CADPS: variants seen among roughly 807,000 people sequenced by gnomAD.
CADPS encodes calcium-dependent secretion activator 1.
Under a neutral mutation model 167.3 loss-of-function variants are expected in CADPS, and 57 were observed. That is an observed-to-expected ratio of 0.34 (90% CI 0.28 to 0.42). The LOEUF is 0.42. CADPS is among the 20% of genes least tolerant of loss of function. The pLI, the probability that CADPS is intolerant of heterozygous loss-of-function variation, is 1.00. For missense variants in CADPS, 1,414 were observed against 1,738.1 expected (o/e 0.81, Z 3.32); for synonymous variants, 676 against 635.3 (o/e 1.06, Z -0.96).
chr3:62,695,847 C>T (rs1378204037), intron 3 of CADPS, among the ~76,000 whole-genome samples: 1 of 152,010 alleles, frequency 6.6e-6, no homozygotes, highest in East Asian at 1.9e-4. Context: ...GAGCCACCAG[C>T]CTGGCCCCCA....
At chr3:62,515,761 G>A (rs899062335) in intron 16 of CADPS, among the ~76,000 whole-genome samples, 1 of 152,128 alleles carries the variant, frequency 6.6e-6, no homozygotes, top group African/African-American at 2.4e-5. Context: ...ATCAGCCACA[G>A]AGCCGATACT....
intron 24 of CADPS, chr3:62,466,698 C>A: frequency 2.4e-6 from 1 of 419,074 alleles, no homozygotes; most frequent in Non-Finnish European, 4.4e-6. Flanking sequence ...ACATGAATGA[C>A]TTAATGACCC....
At chr3:62,569,591 T>C (rs1308870436) in intron 9 of CADPS, among the ~76,000 whole-genome samples, 2 of 152,200 alleles carry the variant, frequency 1.3e-5, no homozygotes, top group Non-Finnish European at 2.9e-5. Context: ...AGTCTAGTCT[T>C]AGAAGTTCAG....
intron 28 of CADPS, among the ~76,000 whole-genome samples, chr3:62,410,132 A>T (rs1459828921): frequency 6.6e-6 from 1 of 152,222 alleles, no homozygotes; most frequent in Non-Finnish European, 1.5e-5. Context: ...TATCATAAAA[A>T]TGAGCTCTTT....
chr3:62,516,031 C>T (rs2068894663), intron 16 of CADPS, 28 bp downstream of exon 16: 2 of 1,611,264 alleles, frequency 1.2e-6, no homozygotes, highest in Admixed American at 3.4e-5. Flanking sequence ...AATTTAAATT[C>T]AAAACTGGGG....
In CADPS at chr3:62,557,558, C is replaced by A. The variant is rs376958788; in HGVS notation, c.1645-45G>T. 3.4e-6 allele frequency: 5 copies of A among 1,479,456 alleles called. No homozygotes were observed. In the African/African-American group the frequency reaches 5.5e-5, roughly 16 times the overall value. 91.6% of individuals were successfully genotyped at this position (1,479,456 alleles called of 1,614,324 possible). ...TGTGAGGTTGACCCCTGGAGCCTGT[C>A]TTCTCCAAAAAACCCTCCCCCATGT... On this transcript the variant is annotated intron_variant, in intron 9 of 29. Transcript: ENST00000383710.
chr3:62,721,111 C>A (rs923741207), intron 3 of CADPS, among the ~76,000 whole-genome samples: 1 of 108,840 alleles, frequency 9.2e-6, no homozygotes, highest in African/African-American at 3.6e-5. Flanking sequence ...GCCACCGTGC[C>A]CGGCAGGTTT....
chr3:62,491,838 T>C (rs2063794367), intron 20 of CADPS, among the ~76,000 whole-genome samples: 1 of 152,154 alleles, frequency 6.6e-6, no homozygotes, highest in African/African-American at 2.4e-5. Context: ...AGAAAGAACA[T>C]TCTTCATACT....
Position 62,792,800 on chromosome 3 carries a change from G to A in CADPS, c.442-26816C>T, listed in dbSNP as rs539395944. 7.2e-4 allele frequency among the ~76,000 whole-genome samples: 109 copies of A among 151,422 alleles called. 1 individual carries two copies. Among genetic ancestry groups the A allele is most frequent in the African/African-American group, 2.3e-3 (93 of 41,310 alleles). ...TTTTGTAGGGACAGGGTCTCACTAT[G>A]TTTCTCAGGCTGGCCTCAAACTCCT... On this transcript the variant is annotated intron_variant, in intron 1 of 29. Transcript: ENST00000383710.
chr3:62,568,255 G>A (rs2080651872), intron 9 of CADPS, among the ~76,000 whole-genome samples: 1 of 152,226 alleles, frequency 6.6e-6, no homozygotes, highest in Admixed American at 6.5e-5. Flanking sequence ...ATGGCTGGTG[G>A]AGTACTGTTT....
intron 28 of CADPS, among the ~76,000 whole-genome samples, chr3:62,434,301 G>A (rs1231906205): frequency 3.9e-5 from 6 of 152,114 alleles, no homozygotes; most frequent in African/African-American, 1.4e-4. Context: ...ATGTCCAGCT[G>A]CACATCTGAA....
chr3:62,608,303 G>A (rs2060982841), intron 6 of CADPS, among the ~76,000 whole-genome samples: 1 of 148,170 alleles, frequency 6.7e-6, no homozygotes. Context: ...TTTTTTTTGA[G>A]ACAGGATCTT....
chr3:62,703,797 G>T (rs1208586019), intron 3 of CADPS, among the ~76,000 whole-genome samples: 1 of 152,094 alleles, frequency 6.6e-6, no homozygotes, highest in Non-Finnish European at 1.5e-5. Flanking sequence ...AGTTGAAAAA[G>T]GTGTAATTTT....
At chr3:62,647,617 G>A (rs549147581) in intron 5 of CADPS, among the ~76,000 whole-genome samples, 4 of 152,290 alleles carry the variant, frequency 2.6e-5, no homozygotes, top group East Asian at 1.9e-4. Flanking sequence ...TATGTATCCC[G>A]TGGCTGTTGT....
At chr3:62,427,858 G>A (rs1404550253) in intron 28 of CADPS, among the ~76,000 whole-genome samples, 11 of 151,876 alleles carry the variant, frequency 7.2e-5, no homozygotes, top group Admixed American at 7.2e-4. Flanking sequence ...CATATTATTT[G>A]TTCTTTTCTA....
intron 1 of CADPS, among the ~76,000 whole-genome samples, chr3:62,815,248 T>C (rs1015047382): frequency 4.0e-5 from 6 of 151,836 alleles, no homozygotes; most frequent in Admixed American, 6.6e-5. Flanking sequence ...TATTGTGTGA[T>C]AGTCAATGGA....
At chr3:62,761,525 G>A (rs1412999511) in intron 2 of CADPS, among the ~76,000 whole-genome samples, 1 of 151,936 alleles carries the variant, frequency 6.6e-6, no homozygotes, top group Non-Finnish European at 1.5e-5. Flanking sequence ...TGCCACATAT[G>A]ACACTCCCAT....
chr3:62,641,865 C>G (rs899957418), intron 6 of CADPS, among the ~76,000 whole-genome samples: 1 of 152,152 alleles, frequency 6.6e-6, no homozygotes, highest in East Asian at 1.9e-4. Context: ...CGGCCTTCAC[C>G]ACACACACCA....
intron 3 of CADPS, among the ~76,000 whole-genome samples, chr3:62,694,131 G>A (rs1305974664): frequency 6.6e-6 from 1 of 152,046 alleles, no homozygotes; most frequent in Non-Finnish European, 1.5e-5. Flanking sequence ...TCTCACGAAG[G>A]CTGGCCTAGC....
Sources: allele counts gnomAD v4.1 joint callset (sites outside exome capture counted in the v4.1 genomes callset), GRCh38; gene constraint gnomAD v4.1.1; transcripts MANE v1.5; gene names NCBI Gene and HGNC (gene_info 2026-07-23, HGNC 2026-07-21).